Variants in EPS8L2 observed in about 807,000 individuals in gnomAD.
EPS8L2 encodes epidermal growth factor receptor kinase substrate 8-like protein 2.
EPS8L2 carries 81 observed loss-of-function variants against 99.4 expected under a neutral mutation model. The observed-to-expected ratio is 0.82, with a 90% CI of 0.68 to 0.98. The LOEUF (loss-of-function observed/expected upper bound fraction) is 0.98, where lower values mean the gene tolerates loss of function less well. Among genes scored for constraint, EPS8L2 ranks in the 50% least tolerant of loss-of-function variants. EPS8L2 has a pLI of 0.00. For missense variants in EPS8L2, 1,155 were observed against 968.8 expected (o/e 1.19, Z -2.55); for synonymous variants, 509 against 407.3 (o/e 1.25, Z -3.01).
In EPS8L2 at chr11:720,741, G is replaced by A. The variant is rs1564975381; in HGVS notation, c.472G>A (p.Val158Met). The A allele has an allele frequency of 6.4e-7, 1 of 1,570,970 alleles. No homozygotes were observed. The highest frequency in any genetic ancestry group is 8.6e-7 in the Non-Finnish European group (1 of 1,159,382). ...PDVHFFHCDE[V>M]EAELVHEDIE... ...TGTCCACTTCTTCCACTGCGATGAGGTGGAGGTGAGGCGGTGCCGGGCGGG... is the reference window on the plus strand; with the variant it reads ...TGTCCACTTCTTCCACTGCGATGAGATGGAGGTGAGGCGGTGCCGGGCGGG... The change falls in exon 6 of 21, where the codon GTG becomes ATG. Residue 158 changes from valine (V) to methionine (M), a missense_variant. Transcript: ENST00000318562.
rs1862191482 is a variant in EPS8L2 at position 721,989 on chromosome 11, C to T, written c.982C>T (p.Leu328=). The change falls in exon 11 of 21, where the codon CTG becomes TTG. Residue 328 remains leucine, a splice_region_variant and synonymous_variant. Coordinates refer to ENST00000318562, the MANE Select transcript of EPS8L2 (RefSeq NM_022772.4). ...GAAAATCAAGCTGGCGATTAACTTG[C>T]TGGTGGGTCCGGTGGCCCCAGCCCT... ...FQKIKLAINL[L]AKLQKHIQNP... is the part of the protein sequence containing the mutation. The T allele has an allele frequency of 6.2e-7, 1 of 1,605,886 alleles. No homozygotes were observed. The highest frequency in any genetic ancestry group is 1.7e-5 in the Admixed American group (1 of 58,892).
In EPS8L2 at chr11:710,418, T is replaced by C; in HGVS notation, c.101-4T>C. The C allele has an allele frequency of 6.2e-7, 1 of 1,613,346 alleles. No individual in the cohort carries two copies. The highest frequency in any genetic ancestry group is 8.5e-7 in the Non-Finnish European group (1 of 1,179,852). On this transcript the variant is annotated splice_region_variant and splice_polypyrimidine_tract_variant and intron_variant, in intron 3 of 20. Transcript: ENST00000318562. ...GGGGGAGTGACTGGTGTCTCCCGGT[T>C]CAGAGCAGAGGAAGAAGTATTCCAA... is the stretch of plus-strand genomic sequence containing the variant.
At chr11:706,498 C>G (rs951072077) in intron 1 of EPS8L2, 2 of 152,332 alleles carry the variant, frequency 1.3e-5, no homozygotes, top group African/African-American at 4.8e-5. Context: ...CTGCTGCAGC[C>G]CGGCCTGCCC....
chr11:716,591 G>A (rs1264484567), intron 4 of EPS8L2, among the ~76,000 whole-genome samples: 1 of 152,146 alleles, frequency 6.6e-6, no homozygotes, highest in Admixed American at 6.5e-5. Context: ...TCTTTTCTAA[G>A]ATATTCATGG....
chr11:717,108 C>A (rs1008032789), intron 4 of EPS8L2, among the ~76,000 whole-genome samples: 2 of 152,086 alleles, frequency 1.3e-5, no homozygotes, highest in African/African-American at 4.8e-5. Flanking sequence ...TCCTGAGTAG[C>A]CGGGGTTACA....
rs548522384 is a variant in EPS8L2, at chr11:721,229, G to T, written c.700+23G>T. On this transcript the variant is annotated intron_variant, in intron 8 of 20. Transcript: ENST00000318562. ...CAGGTGGGCCGAGGGGCTGGAGGGG[G>T]CTCCACAGGGCTCGTTGTGGGGGGC... 4 of 1,533,654 alleles carry T rather than the reference G, an allele frequency of 2.6e-6. No homozygotes were observed. In the East Asian group the frequency reaches 7.4e-5, roughly 28 times the overall value.
chr11:723,203 G>T (rs376279015), intron 14 of EPS8L2, 38 bp from the exon 15 acceptor site: 2 of 1,085,438 alleles, frequency 1.8e-6, no homozygotes, highest in Non-Finnish European at 2.8e-6. Flanking sequence ...ACCCAGCCCC[G>T]CCCCATGTCT....
At chr11:719,998 C>G in intron 4 of EPS8L2, 64 bp from the exon 5 acceptor site, 1 of 1,519,490 alleles carries the variant, frequency 6.6e-7, no homozygotes, top group Non-Finnish European at 8.9e-7. Context: ...GCTGTGGCCC[C>G]TGGGGGCTGG....
In EPS8L2 at chr11:709,438, C is replaced by T. The variant is rs1380959408; in HGVS notation, c.31C>T (p.Pro11Ser). Residue 11 changes from proline to serine, a missense_variant, in exon 2 of 21, where the codon CCG becomes TCG. Physicochemically the swap from Pro to Ser is moderately conservative, Grantham distance 74. Coordinates refer to ENST00000318562, the MANE Select transcript of EPS8L2 (RefSeq NM_022772.4). ...CCAGTCCGGGGCCGTGAGCTGCTGC[C>T]CGGGTGCCACCAAGTGAGCCCTCCC... MSQSGAVSCCPGATNGSLGRS... is the reference protein window; with the variant it reads MSQSGAVSCCSGATNGSLGRS... The T allele has an allele frequency of 6.3e-7, 1 of 1,597,064 alleles. No individual in the cohort carries two copies. Among genetic ancestry groups the T allele is most frequent in the South Asian group, 1.1e-5 (1 of 88,170 alleles).
At chr11:720,792 G>GT in intron 6 of EPS8L2, 38 bp from the exon 7 acceptor site, 1 of 1,542,940 alleles carries the variant, frequency 6.5e-7, no homozygotes, top group Non-Finnish European at 8.7e-7. Context: ...GCCGCGCCGC[G>GT]CCCCGCCCTC....
At chr11:723,440 G>A in intron 15 of EPS8L2, 87 bp downstream of exon 15, 2 of 558,314 alleles carry the variant, frequency 3.6e-6, no homozygotes, top group Non-Finnish European at 3.1e-6. Context: ...GCTGCCACCA[G>A]GTGGTGGCAA....
At chr11:715,039 A>G (rs11246285) in intron 4 of EPS8L2, among the ~76,000 whole-genome samples, 49,866 of 151,912 alleles carry the variant, frequency 0.33, 8,458 homozygotes, top group Admixed American at 0.39. Context: ...TCAGGAGATC[A>G]AGACCATTCT....
chr11:709,370 G>T lies in EPS8L2; in HGVS notation c.-38G>T. ...TGGCCTCAGACCGGGGCCACACTGA[G>T]GTCTGCCCTTCTCCCGCTGGCCGCC... On this transcript the variant is annotated 5_prime_UTR_variant, in exon 2 of 21. In the 5' UTR this introduces an upstream ATG that the reference lacks. Coordinates refer to ENST00000318562, the MANE Select transcript of EPS8L2 (RefSeq NM_022772.4). 6.4e-7 allele frequency: 1 copy of T among 1,558,258 alleles called. No homozygotes were observed. Among genetic ancestry groups the T allele is most frequent in the Non-Finnish European group, 8.7e-7 (1 of 1,152,426 alleles).
At chr11:714,270 C>G (rs1455556750) in intron 4 of EPS8L2, among the ~76,000 whole-genome samples, 1 of 149,956 alleles carries the variant, frequency 6.7e-6, no homozygotes, top group African/African-American at 2.5e-5. Context: ...TGCTGTGTCA[C>G]CCAGGCTGGG....
At chr11:707,831 T>C (rs768395516) in intron 1 of EPS8L2, among the ~76,000 whole-genome samples, 2 of 152,104 alleles carry the variant, frequency 1.3e-5, no homozygotes, top group Non-Finnish European at 2.9e-5. Context: ...CAAGGGTGCG[T>C]TGGTGTCTCG....
chr11:726,513 C>T, intron 19 of EPS8L2, 29 bp downstream of exon 19: 1 of 1,528,332 alleles, frequency 6.5e-7, no homozygotes, highest in Non-Finnish European at 8.8e-7. Flanking sequence ...TGAGCTGGGG[C>T]CCGGGCGAGG....
At chr11:725,240 C>T (rs901275160) in intron 16 of EPS8L2, among the ~76,000 whole-genome samples, 7 of 152,224 alleles carry the variant, frequency 4.6e-5, no homozygotes, top group Admixed American at 2.0e-4. Context: ...CAGCCTGGCT[C>T]GGCGGCTCAC....
intron 4 of EPS8L2, among the ~76,000 whole-genome samples, chr11:716,076 G>A (rs1161607121): frequency 5.7e-5 from 8 of 139,170 alleles, no homozygotes; most frequent in Admixed American, 2.9e-4. Flanking sequence ...GGGTTCAAGC[G>A]ATTCTCCTGC....
In EPS8L2 at chr11:722,819, C is replaced by T. The variant is rs1047887204; in HGVS notation, c.1341+14C>T. On this transcript the variant is annotated intron_variant, in intron 14 of 20. Coordinates refer to ENST00000318562, the MANE Select transcript of EPS8L2 (RefSeq NM_022772.4). Reference sequence around the variant, plus strand: ...CCCATCGAGGAGGTGAGAGCACCAGCAGCCCCCATCCCTACCCCAGCCCCA... The same window carrying T: ...CCCATCGAGGAGGTGAGAGCACCAGTAGCCCCCATCCCTACCCCAGCCCCA... 5.9e-6 allele frequency: 9 copies of T among 1,526,084 alleles called. No individual in the cohort carries two copies. Among genetic ancestry groups the T allele is most frequent in the Non-Finnish European group, 7.9e-6 (9 of 1,139,724 alleles). The allele number at this position is 1,526,084 out of a possible 1,614,324, so 94.5% of individuals were successfully genotyped here. A position where few individuals can be genotyped will look rare whatever the true frequency, so the allele number is the denominator to read the frequency against.
Sources: allele counts gnomAD v4.1 joint callset (sites outside exome capture counted in the v4.1 genomes callset), GRCh38; gene constraint gnomAD v4.1.1; transcripts MANE v1.5; gene names NCBI Gene and HGNC (gene_info 2026-07-23, HGNC 2026-07-21).